STXBP2: variants seen among roughly 807,000 people sequenced by gnomAD.
The protein encoded by STXBP2 is syntaxin-binding protein 2.
STXBP2 carries 47 observed loss-of-function variants against 72.2 expected under a neutral mutation model. The ratio of observed to expected loss-of-function variants is 0.65; its 90% confidence interval spans 0.51 to 0.83. The LOEUF (loss-of-function observed/expected upper bound fraction) is 0.83, where lower values mean the gene tolerates loss of function less well. Among genes scored for constraint, STXBP2 ranks in the 40% least tolerant of loss-of-function variants. The probability of loss-of-function intolerance (pLI) is 0.00; values close to 1 mark genes in which losing one functional copy is unlikely to be tolerated. For missense variants in STXBP2, 702 were observed against 807.6 expected, an observed-to-expected ratio of 0.87 and a Z score of 1.58; for synonymous variants, 367 against 338.7, an observed-to-expected ratio of 1.08 and a Z score of -0.92.
At chr19:7,646,212 C>A in intron 15 of STXBP2, 37 bp from the exon 16 acceptor site, 1 of 1,558,900 alleles carries the variant, frequency 6.4e-7, no homozygotes, top group Non-Finnish European at 8.7e-7. Context: ...CCTCCTTCCC[C>A]TCAATCCCCC....
intron 1 of STXBP2, among the ~76,000 whole-genome samples, chr19:7,637,618 C>T (rs1361105046): frequency 6.6e-6 from 1 of 152,112 alleles, no homozygotes; most frequent in African/African-American, 2.4e-5. Context: ...CGTGTCCAGG[C>T]CCCACAGGGG....
intron 1 of STXBP2, 106 bp from the exon 2 acceptor site, chr19:7,638,620 G>T (rs2031661315): frequency 1.9e-5 from 22 of 1,146,134 alleles, no homozygotes; most frequent in African/African-American, 3.2e-5. Flanking sequence ...AAAAAAAAAA[G>T]TAAATGGGAA....
At chr19:7,631,006 C>A in the STXBP2 span, 1 of 953,746 alleles carries the variant, frequency 1.0e-6, no homozygotes, top group Non-Finnish European at 1.6e-6. Context: ...GTCAGGAGTT[C>A]AAAACCAGCC....
the STXBP2 span, chr19:7,630,039 T>G: frequency 2.1e-5 from 12 of 582,020 alleles, no homozygotes; most frequent in Non-Finnish European, 2.6e-5. Flanking sequence ...CTGGGGGGGT[T>G]CTCGGATTTG....
At chr19:7,646,378 C>A in intron 16 of STXBP2, 34 bp downstream of exon 16, 2 of 1,558,928 alleles carry the variant, frequency 1.3e-6, no homozygotes, top group East Asian at 2.3e-5. Flanking sequence ...GGGGCCAGCC[C>A]TCCGCATCGG....
Position 7,640,993 on chromosome 19 carries a change from A to T in STXBP2, c.419A>T (p.Tyr140Phe). 1.2e-6 allele frequency: 2 copies of T among 1,613,984 alleles called. No individual in the cohort carries two copies. Among genetic ancestry groups the T allele is most frequent in the Non-Finnish European group, 1.7e-6 (2 of 1,179,914 alleles). ...GAGATTCACCTTGCCTTCCTCCCCT[A>T]CGAGGCCCAGGTACGGCCCGGGCTC... is the stretch of plus-strand genomic sequence containing the variant. Reference protein sequence around the residue: ...LKEIHLAFLPYEAQVFSLDAP... With the variant: ...LKEIHLAFLPFEAQVFSLDAP... The change falls in exon 6 of 19, where the codon TAC becomes TTC. Residue 140 changes from tyrosine (Y) to phenylalanine (F), a missense_variant. Coordinates refer to ENST00000221283, the MANE Select transcript of STXBP2 (RefSeq NM_006949.4).
chr19:7,633,359 G>A (rs377333645), upstream of STXBP2: 95 of 1,524,452 alleles, frequency 6.2e-5, no homozygotes, highest in African/African-American at 1.3e-3. Flanking sequence ...TCAATCATGG[G>A]CTCTGAGACC....
In STXBP2 at chr19:7,641,761, A is replaced by G; in HGVS notation, c.486A>G (p.Ala162=). The stretch of plus-strand genomic sequence containing the variant: ...ACAACCTCTACTGCCCCTTCCGGGC[A>G]GAGGAGCGCACGCGGCAGCTCGAGG... ...STYNLYCPFR[A]EERTRQLEVL... The change falls in exon 7 of 19, where the codon GCA becomes GCG. Residue 162 remains alanine (A), a synonymous_variant. Coordinates refer to ENST00000221283, the MANE Select transcript of STXBP2 (RefSeq NM_006949.4). The G allele has an allele frequency of 1.3e-6, 2 of 1,552,690 alleles. No homozygotes were observed. Among genetic ancestry groups the G allele is most frequent in the Non-Finnish European group, 1.7e-6 (2 of 1,148,134 alleles).
intron 15 of STXBP2, 186 bp from the exon 16 acceptor site, chr19:7,646,063 G>T: frequency 1.7e-6 from 1 of 604,934 alleles, no homozygotes. Flanking sequence ...TTCTCTCTCC[G>T]TCTCTCTCTG....
At chr19:7,643,663 G>A (rs2031989415) in intron 13 of STXBP2, among the ~76,000 whole-genome samples, 1 of 150,942 alleles carries the variant, frequency 6.6e-6, no homozygotes, top group Non-Finnish European at 1.5e-5. Flanking sequence ...ACCTGGGAGA[G>A]GAATGGAGCC....
At position 7,639,718 on chromosome 19, in the gene STXBP2, C is replaced by G. The variant is rs2031709370; in HGVS notation, c.170-13C>G. The G allele has an allele frequency of 6.2e-7, 1 of 1,612,142 alleles. No individual in the cohort carries two copies. Among genetic ancestry groups the G allele is most frequent in the African/African-American group, 1.3e-5 (1 of 74,876 alleles). Reference sequence around the variant, plus strand: ...ATGCCACCCACCTGTGTCCCTTCCTCTGTTCCTACTAGTTGTTGAAGACAT... The same window carrying G: ...ATGCCACCCACCTGTGTCCCTTCCTGTGTTCCTACTAGTTGTTGAAGACAT... On this transcript the variant is annotated splice_polypyrimidine_tract_variant and intron_variant, in intron 3 of 18. Coordinates refer to ENST00000221283, the MANE Select transcript of STXBP2 (RefSeq NM_006949.4).
chr19:7,638,323 C>T (rs1033421524), intron 1 of STXBP2, among the ~76,000 whole-genome samples: 1 of 152,202 alleles, frequency 6.6e-6, no homozygotes, highest in Non-Finnish European at 1.5e-5. Flanking sequence ...ATAAATGATT[C>T]CTGTGCCGTG....
At chr19:7,640,354 GCA>G (rs781528725) in intron 4 of STXBP2, 9,706 of 563,542 alleles carry the variant, frequency 0.017, 574 homozygotes, top group Admixed American at 0.15. Flanking sequence ...ATGCGTCTGT[GCA>G]TGTGTGTATG....
At chr19:7,643,513 C>T (rs1183193389) in intron 13 of STXBP2, among the ~76,000 whole-genome samples, 1 of 151,864 alleles carries the variant, frequency 6.6e-6, no homozygotes, top group Non-Finnish European at 1.5e-5. Context: ...CAGGTGGTCC[C>T]AGGACAGGAA....
In STXBP2 at chr19:7,640,932, C is replaced by G; in HGVS notation, c.358C>G (p.Arg120Gly). The change falls in exon 6 of 19, where the codon CGC (arginine) becomes GGC (glycine). Residue 120 changes from arginine to glycine, a missense_variant. By Grantham distance (125) the Arg-to-Gly change is moderately radical. Transcript: ENST00000221283. ...CGAGCCCCTGTTCAGTGAGCTAGGC[C>G]GCTCTCGTCTGGCAAAGGTGGTGAA... ...CPEPLFSELG[R>G]SRLAKVVKTL... is the part of the protein sequence containing the mutation. 2.5e-6 allele frequency: 4 copies of G among 1,614,214 alleles called. No homozygotes were observed. Among genetic ancestry groups the G allele is most frequent in the Non-Finnish European group, 3.4e-6 (4 of 1,180,030 alleles).
At chr19:7,644,995 C>T (rs2032075580) in intron 14 of STXBP2, 1 of 1,448,322 alleles carries the variant, frequency 6.9e-7, no homozygotes, top group Non-Finnish European at 9.1e-7. Context: ...ATGTGGGGCT[C>T]CCTCAGCTCA....
chr19:7,645,415 T>C, intron 15 of STXBP2, 109 bp downstream of exon 15: 1 of 1,128,198 alleles, frequency 8.9e-7, no homozygotes, highest in South Asian at 1.5e-5. Flanking sequence ...GTTCCTGGCG[T>C]GGTGTGGTTG....
At chr19:7,632,550 A>T (rs1422439207), upstream of STXBP2, 4 of 1,608,922 alleles carry the variant, frequency 2.5e-6, no homozygotes, top group Non-Finnish European at 3.4e-6. This position sits in a 1 kb window ranked among gnomAD's most constrained non-coding sequence, Gnocchi z 5.2. Flanking sequence ...GGGAGGACAC[A>T]GCCGGAGTGG....
chr19:7,645,908 C>T, intron 15 of STXBP2: 1 of 440,714 alleles, frequency 2.3e-6, no homozygotes, highest in African/African-American at 2.0e-5. Context: ...CGTCCCCCTT[C>T]TGTCCCCATC....
Sources: allele counts gnomAD v4.1 joint callset (sites outside exome capture counted in the v4.1 genomes callset), GRCh38; gene constraint gnomAD v4.1.1; non-coding constraint Gnocchi (gnomAD v3.1); transcripts MANE v1.5; gene names NCBI Gene and HGNC (gene_info 2026-07-23, HGNC 2026-07-21).